The following BCAS3 variants were observed in gnomAD, a reference collection of about 807,000 sequenced individuals.
The protein encoded by BCAS3 is BCAS4/BCAS3 fusion.
In BCAS3, 53 loss-of-function variants were observed where a neutral mutation model predicts 116.1. The ratio of observed to expected loss-of-function variants is 0.46; its 90% CI spans 0.37 to 0.57. The LOEUF (loss-of-function observed/expected upper bound fraction) is 0.57, where lower values mean the gene tolerates loss of function less well. Among genes scored for constraint, BCAS3 ranks in the 20% least tolerant of loss-of-function variants. The pLI, the probability that BCAS3 is intolerant of heterozygous loss-of-function variation, is 0.00. For synonymous variants in BCAS3, 391 were observed against 408.2 expected, an observed-to-expected ratio of 0.96 and a Z score of 0.51; for missense variants, 917 against 1,165.4, an observed-to-expected ratio of 0.79 and a Z score of 3.10.
rs1289018039 is a variant in BCAS3 at position 61,068,623 on chromosome 17, A to G, written c.2030-6297A>G. Among the ~76,000 whole-genome samples the G allele has an allele frequency of 1.3e-5, 2 of 152,198 alleles. No individual in the cohort carries two copies. The highest frequency in any genetic ancestry group is 4.8e-5 in the African/African-American group (2 of 41,452). On this transcript the variant is annotated intron_variant, in intron 19 of 23. Coordinates refer to ENST00000407086, the MANE Select transcript of BCAS3 (RefSeq NM_017679.5). This position sits in a 1 kb window ranked among gnomAD's most constrained non-coding sequence, Gnocchi z 4.3. Reference sequence around the variant, plus strand: ...TGCACACCATTTCTACTCTTGTACCATGTGGGATCTCTTGCCACTTCCCTT... The same window carrying G: ...TGCACACCATTTCTACTCTTGTACCGTGTGGGATCTCTTGCCACTTCCCTT...
chr17:60,702,024 A>G (rs1316075148), intron 4 of BCAS3, among the ~76,000 whole-genome samples: 1 of 152,080 alleles, frequency 6.6e-6, no homozygotes, highest in Non-Finnish European at 1.5e-5. Flanking sequence ...CTATGTATAT[A>G]TGTATGTATA....
chr17:60,797,515 C>CATTT (rs1232429712), intron 6 of BCAS3, among the ~76,000 whole-genome samples: 19 of 151,888 alleles, frequency 1.3e-4, no homozygotes, highest in South Asian at 4.2e-4. Context: ...CACCTGACTA[C>CATTT]ATTTATTTAT....
chr17:60,807,416 T>C (rs2048374958), intron 6 of BCAS3, among the ~76,000 whole-genome samples: 1 of 152,136 alleles, frequency 6.6e-6, no homozygotes, highest in Non-Finnish European at 1.5e-5. Context: ...GTTGGTGGGG[T>C]ATGGGATGGT....
At chr17:61,066,870 T>A (rs564443919) in intron 19 of BCAS3, among the ~76,000 whole-genome samples, 7 of 152,246 alleles carry the variant, frequency 4.6e-5, no homozygotes, top group African/African-American at 1.7e-4. Context: ...CTGTATTAAG[T>A]AGTGTTAAAG....
At chr17:60,792,286 C>T (rs2046841980) in intron 6 of BCAS3, among the ~76,000 whole-genome samples, 1 of 152,210 alleles carries the variant, frequency 6.6e-6, no homozygotes, top group African/African-American at 2.4e-5. Flanking sequence ...TCTGAGTTGG[C>T]AGGGCAGGAG....
chr17:61,093,020 C>T (rs1281738396), intron 22 of BCAS3, among the ~76,000 whole-genome samples: 1 of 150,000 alleles, frequency 6.7e-6, no homozygotes, highest in Non-Finnish European at 1.5e-5. Context: ...GATTATCCTG[C>T]CTCAGCCTCC....
intron 14 of BCAS3, among the ~76,000 whole-genome samples, chr17:60,947,577 A>G (rs759672134): frequency 2.7e-4 from 41 of 152,294 alleles, no homozygotes; most frequent in Non-Finnish European, 4.9e-4. Context: ...AATTTTGATA[A>G]AACAGTAGGG....
intron 22 of BCAS3, among the ~76,000 whole-genome samples, chr17:61,110,228 T>C (rs906359023): frequency 6.6e-6 from 1 of 152,122 alleles, no homozygotes; most frequent in Non-Finnish European, 1.5e-5. Flanking sequence ...TTAAAAATTA[T>C]GGGGGGAGGA....
At chr17:60,992,448 A>G (rs2063585857) in intron 15 of BCAS3, among the ~76,000 whole-genome samples, 1 of 152,164 alleles carries the variant, frequency 6.6e-6, no homozygotes. Context: ...TCAGCTCTAG[A>G]TGCAAAAGGT....
At chr17:60,741,150 G>A (rs2041508673) in intron 5 of BCAS3, among the ~76,000 whole-genome samples, 1 of 152,124 alleles carries the variant, frequency 6.6e-6, no homozygotes, top group South Asian at 2.1e-4. Context: ...GTGATTCTCT[G>A]TATCTGCCTG....
chr17:61,366,796 G>A lies in BCAS3; in HGVS notation c.2426-1531G>A, dbSNP rs1197743713. Among the ~76,000 whole-genome samples the A allele has an allele frequency of 6.6e-6, 1 of 152,194 alleles. No individual in the cohort carries two copies. The highest frequency in any genetic ancestry group is 1.5e-5 in the Non-Finnish European group (1 of 68,034). On this transcript the variant is annotated intron_variant, in intron 22 of 23. Coordinates refer to ENST00000407086, the MANE Select transcript of BCAS3 (RefSeq NM_017679.5). This position sits in a 1 kb window ranked among gnomAD's most constrained non-coding sequence, Gnocchi z 4.5. ...GTGCCAGGAATCTTCCCTACAATTAGGTACGAGATAAATCAAAGCCAAACT... is the reference window on the plus strand; with the variant it reads ...GTGCCAGGAATCTTCCCTACAATTAAGTACGAGATAAATCAAAGCCAAACT...
chr17:60,724,788 A>T (rs565285925), intron 5 of BCAS3, among the ~76,000 whole-genome samples: 4,572 of 147,984 alleles, frequency 0.031, 226 homozygotes, highest in African/African-American at 0.1. Flanking sequence ...AGATTCATTA[A>T]AAAAAAAAAA....
Position 61,228,752 on chromosome 17 carries a change from G to A in BCAS3, c.2426-139575G>A, listed in dbSNP as rs980978889. 6.6e-6 allele frequency among the ~76,000 whole-genome samples: 1 copy of A among 152,062 alleles called. No individual in the cohort carries two copies. Among genetic ancestry groups the A allele is most frequent in the African/African-American group, 2.4e-5 (1 of 41,378 alleles). ...TGTTCCTCCATCTCTCTGCCTTTCC[G>A]CAGGTCTCCTGATTCCATGAGCCAC... On this transcript the variant is annotated intron_variant, in intron 22 of 23. Coordinates refer to ENST00000407086, the MANE Select transcript of BCAS3 (RefSeq NM_017679.5). This position sits in a 1 kb window ranked among gnomAD's most constrained non-coding sequence, Gnocchi z 5.0.
intron 5 of BCAS3, among the ~76,000 whole-genome samples, chr17:60,722,538 A>G (rs539859651): frequency 6.6e-6 from 1 of 151,648 alleles, no homozygotes; most frequent in East Asian, 2.0e-4. Flanking sequence ...TGAGGTGGGT[A>G]GATCACGACG....
chr17:60,854,419 T>G (rs2053472576), intron 7 of BCAS3, among the ~76,000 whole-genome samples: 1 of 152,178 alleles, frequency 6.6e-6, no homozygotes, highest in Non-Finnish European at 1.5e-5. Context: ...TACCCAGTAA[T>G]GGGATGGCTG....
At chr17:61,183,661 C>A (rs754448441) in intron 22 of BCAS3, among the ~76,000 whole-genome samples, 25 of 152,030 alleles carry the variant, frequency 1.6e-4, no homozygotes, top group Admixed American at 5.9e-4. Context: ...TATGGTATGT[C>A]CAGAAAAAGA....
At chr17:60,945,701 T>A (rs776258903) in intron 13 of BCAS3, among the ~76,000 whole-genome samples, 1 of 151,630 alleles carries the variant, frequency 6.6e-6, no homozygotes, top group Non-Finnish European at 1.5e-5. Flanking sequence ...CTTGGGAGAT[T>A]GAGGCATGAG....
chr17:60,783,918 C>T (rs1266179896), intron 6 of BCAS3, among the ~76,000 whole-genome samples: 1 of 152,078 alleles, frequency 6.6e-6, no homozygotes, highest in Non-Finnish European at 1.5e-5. Context: ...TTATGGGCAG[C>T]TGTAGTGAAC....
rs1003783601 is a variant in BCAS3, at chr17:60,964,380, G to C, written c.1221+17028G>C. Among the ~76,000 whole-genome samples, 1 of 152,080 alleles carries C rather than the reference G, an allele frequency of 6.6e-6. No homozygotes were observed. Among genetic ancestry groups the C allele is most frequent in the African/African-American group, 2.4e-5 (1 of 41,420 alleles). ...TGAACCATCCTTGCATCCCTGGAAT[G>C]AATCCCATTTGATATTATAAATGAT... On this transcript the variant is annotated intron_variant, in intron 14 of 23. Transcript: ENST00000407086. This position sits in a 1 kb window ranked among gnomAD's most constrained non-coding sequence, Gnocchi z 4.6.
Sources: gnomAD v4.1 joint callset for allele counts (sites outside exome capture counted in the v4.1 genomes callset) on GRCh38, gnomAD v4.1.1 for gene constraint, Gnocchi (gnomAD v3.1) non-coding constraint, MANE v1.5 for transcripts, NCBI Gene and HGNC (gene_info 2026-07-23, HGNC 2026-07-21) for gene names.